NKAIN2: variants seen among roughly 807,000 people sequenced by gnomAD.
NKAIN2 encodes sodium/potassium transporting ATPase interacting 2, also known as sodium/potassium-transporting ATPase subunit beta-1-interacting protein 2.
NKAIN2 carries 14 observed loss-of-function variants against 32.6 expected under a neutral mutation model. The ratio of observed to expected loss-of-function variants is 0.43; its 90% CI spans 0.28 to 0.67. The LOEUF (loss-of-function observed/expected upper bound fraction) is 0.67. Ranked by LOEUF, NKAIN2 falls within the 30% of genes least tolerant of loss-of-function variation. The probability of loss-of-function intolerance (pLI) is 0.17; values close to 1 mark genes in which losing one functional copy is unlikely to be tolerated. For missense variants in NKAIN2, 198 were observed against 258.3 expected (o/e 0.77, Z 1.60); for synonymous variants, 80 against 87.2 (o/e 0.92, Z 0.46).
chr6:124,693,938 G>C (rs1366439454), intron 4 of NKAIN2, among the ~76,000 whole-genome samples: 1 of 152,098 alleles, frequency 6.6e-6, no homozygotes, highest in Non-Finnish European at 1.5e-5. Flanking sequence ...CTGCCTACTT[G>C]CTTGTAAACT....
At chr6:123,844,005 A>T (rs955625199) in intron 1 of NKAIN2, among the ~76,000 whole-genome samples, 9 of 152,146 alleles carry the variant, frequency 5.9e-5, no homozygotes, top group Non-Finnish European at 1.2e-4. Context: ...AATGACAGAT[A>T]AGTTCCGCTT....
chr6:124,415,032 G>A (rs1247116575), intron 3 of NKAIN2, among the ~76,000 whole-genome samples: 1 of 151,984 alleles, frequency 6.6e-6, no homozygotes, highest in South Asian at 2.1e-4. Context: ...CAACACAGAA[G>A]ACTTCTGTGA....
chr6:124,141,494 G>A (rs912342332), intron 1 of NKAIN2, among the ~76,000 whole-genome samples: 1 of 152,002 alleles, frequency 6.6e-6, no homozygotes, highest in African/African-American at 2.4e-5. Context: ...GGAGGAAAGT[G>A]TAATCTTGCC....
In NKAIN2 at chr6:124,227,975, C is replaced by G. The variant is rs73561686; in HGVS notation, c.55-55030C>G. Among the ~76,000 whole-genome samples the G allele has an allele frequency of 4.8e-3, 737 of 152,222 alleles. 7 individuals are homozygous for G. Among genetic ancestry groups the G allele is most frequent in the African/African-American group, 0.016 (685 of 41,550 alleles). ...ATCAGGGTGCTAGCATGGTTGGGTTCTGGTGAAGACCCTCTTCCTGGCTTG... is the reference window on the plus strand; with the variant it reads ...ATCAGGGTGCTAGCATGGTTGGGTTGTGGTGAAGACCCTCTTCCTGGCTTG... On this transcript the variant is annotated intron_variant, in intron 1 of 6. Transcript: ENST00000368417.
chr6:124,462,295 CA>C (rs1323810925), intron 3 of NKAIN2, among the ~76,000 whole-genome samples: 1 of 151,826 alleles, frequency 6.6e-6, no homozygotes, highest in East Asian at 1.9e-4. Flanking sequence ...TCAGTCTTTT[CA>C]GTCATTAGAG....
At chr6:124,198,056 G>T (rs557373976) in intron 1 of NKAIN2, among the ~76,000 whole-genome samples, 1 of 151,926 alleles carries the variant, frequency 6.6e-6, no homozygotes, top group Non-Finnish European at 1.5e-5. Context: ...ATTTTTCATT[G>T]CTGTATGTAC....
intron 1 of NKAIN2, among the ~76,000 whole-genome samples, chr6:123,897,257 C>G (rs1049672124): frequency 3.3e-5 from 5 of 152,196 alleles, no homozygotes; most frequent in African/African-American, 1.2e-4. Flanking sequence ...GTACTCATAA[C>G]CCCTCATGAC....
chr6:124,599,019 ATT>A (rs34952742), intron 3 of NKAIN2, among the ~76,000 whole-genome samples: 21 of 141,856 alleles, frequency 1.5e-4, no homozygotes, highest in Admixed American at 1.4e-4. Flanking sequence ...ACACAAATCT[ATT>A]TTTTTTTTTT....
intron 1 of NKAIN2, among the ~76,000 whole-genome samples, chr6:124,281,226 C>T (rs1795279478): frequency 2.6e-5 from 4 of 152,112 alleles, no homozygotes; most frequent in Non-Finnish European, 5.9e-5. Context: ...CATTCCTATT[C>T]ACTATTTATT....
rs747515285 is a variant in NKAIN2 at position 124,818,390 on chromosome 6, AT to A, written c.542del (p.Phe181SerfsTer2). ...KCITEEEDSF[D>X]FIGGFDSYGY... ...TTAATGAATTGTCCCTTTTCAGTTG[AT>A]TTCATAGGTGGCTTTGACTCTTATG... On this transcript the variant is annotated frameshift_variant, in exon 6 of 7. Transcript: ENST00000368417. LOFTEE classifies it high-confidence loss of function. The A allele has an allele frequency of 6.3e-7, 1 of 1,586,430 alleles. No individual in the cohort carries two copies. Among genetic ancestry groups the A allele is most frequent in the East Asian group, 2.2e-5 (1 of 44,698 alleles).
intron 5 of NKAIN2, among the ~76,000 whole-genome samples, chr6:124,808,470 G>A (rs955211013): frequency 1.3e-5 from 2 of 152,146 alleles, no homozygotes; most frequent in Non-Finnish European, 2.9e-5. Context: ...GTTAGGTATT[G>A]ATGGGACGTA....
At chr6:124,343,779 G>A (rs1798263041) in intron 2 of NKAIN2, among the ~76,000 whole-genome samples, 1 of 149,380 alleles carries the variant, frequency 6.7e-6, no homozygotes, top group Non-Finnish European at 1.5e-5. Context: ...CATTTTGTAG[G>A]TTGCCTGTTC....
At chr6:123,995,688 G>A (rs1250564594) in intron 1 of NKAIN2, among the ~76,000 whole-genome samples, 2 of 152,092 alleles carry the variant, frequency 1.3e-5, no homozygotes, top group South Asian at 2.1e-4. Flanking sequence ...TAAAATAAAG[G>A]TGTTAAAACA....
chr6:124,303,022 C>G (rs888504950), intron 2 of NKAIN2, among the ~76,000 whole-genome samples: 3 of 152,148 alleles, frequency 2.0e-5, no homozygotes, highest in Admixed American at 6.5e-5. Flanking sequence ...GCCTGTGAAG[C>G]AGGCATCTTT....
chr6:123,904,907 C>T (rs73773010), intron 1 of NKAIN2, among the ~76,000 whole-genome samples: 8,800 of 152,132 alleles, frequency 0.058, 817 homozygotes, highest in African/African-American at 0.2. Context: ...AAATCTTCAT[C>T]CTCTGGGCTC....
At chr6:124,061,433 A>G (rs554920597) in intron 1 of NKAIN2, among the ~76,000 whole-genome samples, 5 of 152,206 alleles carry the variant, frequency 3.3e-5, no homozygotes, top group South Asian at 4.1e-4. Flanking sequence ...CTCTTTCTCT[A>G]TATTTTTATC....
chr6:123,986,777 A>G (rs937604685), intron 1 of NKAIN2, among the ~76,000 whole-genome samples: 1 of 152,168 alleles, frequency 6.6e-6, no homozygotes, highest in African/African-American at 2.4e-5. Flanking sequence ...GTATAAGTCA[A>G]GTTGCCTAGC....
intron 3 of NKAIN2, among the ~76,000 whole-genome samples, chr6:124,434,446 C>T (rs922833209): frequency 6.6e-5 from 10 of 151,980 alleles, no homozygotes; most frequent in East Asian, 1.9e-4. Context: ...TAGATGATTT[C>T]GAATGCACCG....
intron 1 of NKAIN2, among the ~76,000 whole-genome samples, chr6:123,845,253 T>C (rs187460983): frequency 1.3e-5 from 2 of 152,316 alleles, no homozygotes; most frequent in East Asian, 3.9e-4. Context: ...AGTTTAATAA[T>C]ATGAAGAATC....
Sources: allele counts gnomAD v4.1 joint callset (sites outside exome capture counted in the v4.1 genomes callset), GRCh38; gene constraint gnomAD v4.1.1; transcripts MANE v1.5; gene names NCBI Gene and HGNC (gene_info 2026-07-23, HGNC 2026-07-21).